Variants in LIMS1 observed in about 807,000 individuals in gnomAD.
LIMS1 encodes LIM zinc finger domain containing 1.
In LIMS1, 18 loss-of-function variants were observed where a neutral mutation model predicts 44.1. That is an observed-to-expected ratio of 0.41 (90% confidence interval 0.28 to 0.61). The LOEUF is 0.61. Among genes scored for constraint, LIMS1 ranks in the 20% least tolerant of loss-of-function variants. LIMS1 has a pLI of 0.32. For missense variants in LIMS1, 201 were observed against 422.0 expected, an observed-to-expected ratio of 0.48 and a Z score of 4.59; for synonymous variants, 93 against 149.1, an observed-to-expected ratio of 0.62 and a Z score of 2.74.
intron 1 of LIMS1, among the ~76,000 whole-genome samples, chr2:108,650,950 A>G (rs888220762): frequency 3.9e-5 from 6 of 152,136 alleles, no homozygotes; most frequent in African/African-American, 1.4e-4. Flanking sequence ...GGCCTATTGC[A>G]TCATGGGCTC....
At chr2:108,652,192 A>T (rs369404655) in intron 1 of LIMS1, among the ~76,000 whole-genome samples, 2,483 of 151,572 alleles carry the variant, frequency 0.016, no homozygotes, top group African/African-American at 0.035. Flanking sequence ...ACAACTCAGC[A>T]ATTTTACTGT....
At chr2:108,554,555 T>C (rs1032814022) in intron 1 of LIMS1, among the ~76,000 whole-genome samples, 3 of 152,216 alleles carry the variant, frequency 2.0e-5, no homozygotes, top group African/African-American at 7.2e-5. Flanking sequence ...CTAGAGTATA[T>C]TATTTATCAC....
chr2:108,621,725 T>C (rs1294024642), intron 1 of LIMS1, among the ~76,000 whole-genome samples: 2 of 152,228 alleles, frequency 1.3e-5, no homozygotes, highest in Non-Finnish European at 2.9e-5. Context: ...CTTTAAAAAT[T>C]ATATAATCAC....
chr2:108,609,270 A>C (rs1231850985), intron 1 of LIMS1, among the ~76,000 whole-genome samples: 3 of 152,124 alleles, frequency 2.0e-5, no homozygotes, highest in African/African-American at 7.2e-5. Context: ...CAAAGCATAA[A>C]GGCTTCTCCT....
chr2:108,624,713 C>T lies in LIMS1; in HGVS notation c.33-34892C>T, dbSNP rs140851142. Among the ~76,000 whole-genome samples the T allele has an allele frequency of 5.4e-3, 817 of 152,156 alleles. 6 individuals carry two copies. The highest frequency in any genetic ancestry group is 0.018 in the African/African-American group (728 of 41,504). ...CAGAGGTTGCAGTGAGCCGAGATCG[C>T]GCCACTGCACTCTAGCCTGGGTGAC... On this transcript the variant is annotated intron_variant, in intron 1 of 9. Transcript: ENST00000544547.
intron 1 of LIMS1, among the ~76,000 whole-genome samples, chr2:108,562,422 T>G (rs1685154815): frequency 6.6e-6 from 1 of 152,092 alleles, no homozygotes; most frequent in African/African-American, 2.4e-5. Context: ...GAAAAGTTCT[T>G]GAAAAAGTGC....
At chr2:108,596,973 A>G (rs1270494920) in intron 1 of LIMS1, among the ~76,000 whole-genome samples, 1 of 114,686 alleles carries the variant, frequency 8.7e-6, no homozygotes, top group East Asian at 2.6e-4. Context: ...CAGTGGCATG[A>G]TCTTGGCTCA....
intron 1 of LIMS1, among the ~76,000 whole-genome samples, chr2:108,554,899 C>CA (rs1684872575): frequency 1.3e-5 from 2 of 152,188 alleles, no homozygotes; most frequent in African/African-American, 4.8e-5. Context: ...ATCTTGGGCC[C>CA]TATCTATCTC....
chr2:108,540,465 T>G (rs1314522885), intron 1 of LIMS1, among the ~76,000 whole-genome samples: 2 of 152,196 alleles, frequency 1.3e-5, no homozygotes, highest in African/African-American at 4.8e-5. Flanking sequence ...CCCAAAGTGC[T>G]GGGATTACAG....
chr2:108,607,855 C>G (rs761243471), intron 1 of LIMS1, among the ~76,000 whole-genome samples: 1 of 152,134 alleles, frequency 6.6e-6, no homozygotes, highest in South Asian at 2.1e-4. Context: ...TGATATTGGT[C>G]TCAGAGTTAA....
chr2:108,600,928 C>CTTCTG (rs1197318983), intron 1 of LIMS1, among the ~76,000 whole-genome samples: 8 of 127,310 alleles, frequency 6.3e-5, no homozygotes, highest in Non-Finnish European at 1.0e-4. Context: ...CTTCTCTTCT[C>CTTCTG]TTCTCTTTTT....
chr2:108,549,574 G>A (rs1684616469), intron 1 of LIMS1, among the ~76,000 whole-genome samples: 1 of 152,096 alleles, frequency 6.6e-6, no homozygotes, highest in Non-Finnish European at 1.5e-5. Context: ...GATATGGGAA[G>A]AGGTTATATT....
At chr2:108,640,084 G>A (rs141980159) in intron 1 of LIMS1, among the ~76,000 whole-genome samples, 1 of 152,272 alleles carries the variant, frequency 6.6e-6, no homozygotes, top group African/African-American at 2.4e-5. Flanking sequence ...TTTCCATGAT[G>A]GGTTTCCTGT....
intron 1 of LIMS1, among the ~76,000 whole-genome samples, chr2:108,536,879 C>T (rs774893162): frequency 1.3e-5 from 2 of 152,190 alleles, no homozygotes; most frequent in Non-Finnish European, 2.9e-5. Context: ...AGCCACTGTG[C>T]TCAGCCTGTC....
intron 1 of LIMS1, among the ~76,000 whole-genome samples, chr2:108,610,597 G>A (rs759475573): frequency 1.3e-4 from 20 of 152,132 alleles, no homozygotes; most frequent in Middle Eastern, 6.8e-3. Context: ...TCTAACAAAC[G>A]AGTGATAATT....
chr2:108,574,355 A>C (rs555522351), intron 1 of LIMS1, among the ~76,000 whole-genome samples: 11 of 152,316 alleles, frequency 7.2e-5, no homozygotes, highest in Non-Finnish European at 1.3e-4. Flanking sequence ...CCTGCTTATG[A>C]ATGACCTGGT....
chr2:108,686,992 A>G (rs2433848), exon 10 of LIMS1: 16 of 152,340 alleles, frequency 1.1e-4, no homozygotes, highest in Middle Eastern at 3.4e-3. Context: ...CAATGGGTAC[A>G]AGTAAAACAT....
intron 1 of LIMS1, among the ~76,000 whole-genome samples, chr2:108,596,679 C>G (rs1441972316): frequency 6.6e-6 from 1 of 152,264 alleles, no homozygotes; most frequent in African/African-American, 2.4e-5. Flanking sequence ...CAAAATTAGC[C>G]AGGCGTGGTG....
At chr2:108,607,164 G>A (rs2104739995) in intron 1 of LIMS1, 1 of 1,540,134 alleles carries the variant, frequency 6.5e-7, no homozygotes, top group Non-Finnish European at 8.8e-7. Context: ...TGCATGTGAG[G>A]ACACAGTGAG....
Sources: gnomAD v4.1 joint callset for allele counts (sites outside exome capture counted in the v4.1 genomes callset) on GRCh38, gnomAD v4.1.1 for gene constraint, MANE v1.5 for transcripts, NCBI Gene and HGNC (gene_info 2026-07-23, HGNC 2026-07-21) for gene names.